Variants in LAMTOR4 observed in about 807,000 individuals in gnomAD.
The protein encoded by LAMTOR4 is late endosomal/lysosomal adaptor, MAPK and MTOR activator 4.
In LAMTOR4, 11 loss-of-function variants were observed where a neutral mutation model predicts 13.5. That is an observed-to-expected ratio of 0.82 (90% CI 0.51 to 1.35). LAMTOR4 has a LOEUF of 1.35. Ranked by LOEUF, LAMTOR4 falls within the 40% of genes most tolerant of loss-of-function variation. The pLI is 0.00. For missense variants in LAMTOR4, 128 were observed against 126.2 expected (o/e 1.01, Z -0.07); for synonymous variants, 69 against 52.3 (o/e 1.32, Z -1.38).
rs1378683802 is a variant in LAMTOR4, at chr7:100,154,069, T to C, written c.*105T>C. ...GCTTGCTGCTAGAACTAGGGCCTTC[T>C]GCTCGCCCACCTCCCACCCCTACCT... On this transcript the variant is annotated 3_prime_UTR_variant, in exon 4 of 4. Transcript: ENST00000341942. The C allele has an allele frequency of 2.4e-6, 2 of 848,938 alleles. No individual in the cohort carries two copies. The highest frequency in any genetic ancestry group is 3.4e-5 in the African/African-American group (2 of 59,648). The allele number at this position is 848,938 out of a possible 1,614,324, so 52.6% of individuals were successfully genotyped here. A position where few individuals can be genotyped will look rare whatever the true frequency, so the allele number is the denominator to read the frequency against.
chr7:100,150,666 AGAT>A (rs1171704534), intron 2 of LAMTOR4, among the ~76,000 whole-genome samples: 2 of 152,144 alleles, frequency 1.3e-5, no homozygotes, highest in Non-Finnish European at 2.9e-5. Flanking sequence ...AGTGATGTGA[AGAT>A]GGGCAGAAGG....
chr7:100,149,474 C>G (rs190779439), intron 1 of LAMTOR4, 25 bp from the exon 2 acceptor site: 4 of 1,551,360 alleles, frequency 2.6e-6, no homozygotes, highest in Admixed American at 1.7e-5. Context: ...GCATGCTTCT[C>G]ACGACTTGCA....
intron 2 of LAMTOR4, chr7:100,152,822 G>GAA (rs1467405508): frequency 1.3e-5 from 2 of 152,784 alleles, no homozygotes; most frequent in Non-Finnish European, 2.9e-5. Context: ...GGACATGGGA[G>GAA]AAATCCAGTT....
chr7:100,153,256 AGGTTGTTTTTTTCCAAAGCTGAGGGTACT>A, intron 2 of LAMTOR4, 115 bp from the exon 3 acceptor site: 2 of 667,864 alleles, frequency 3.0e-6, no homozygotes, highest in South Asian at 3.5e-5. Flanking sequence ...GGGAGATTTC[AGGTTGTTTTTTTCCAAAGCTGAGGGTACT>A]GGCAAGCCAA....
chr7:100,154,129 TAAG>T lies in LAMTOR4; in HGVS notation c.*166_*168del. On this transcript the variant is annotated 3_prime_UTR_variant, in exon 4 of 4. Transcript: ENST00000341942. ...CAGGCTTGGGGACTCTGAGCTGTGT[TAAG>T]GAGAACAAGGGCAAGGAGACCTCCC... 1 of 615,016 alleles carries T rather than the reference TAAG, an allele frequency of 1.6e-6. No homozygotes were observed. The highest frequency in any genetic ancestry group is 1.9e-5 in the South Asian group (1 of 53,570). The allele number at this position is 615,016 out of a possible 1,614,324, so 38.1% of individuals were successfully genotyped here.
chr7:100,149,826 A>C, intron 2 of LAMTOR4: 1 of 377,912 alleles, frequency 2.6e-6, no homozygotes, highest in Non-Finnish European at 5.0e-6. Flanking sequence ...CCCAAGCTGG[A>C]GTGCAGTGGT....
chr7:100,152,021 A>G (rs1798721198), intron 2 of LAMTOR4, among the ~76,000 whole-genome samples: 1 of 152,180 alleles, frequency 6.6e-6, no homozygotes, highest in Admixed American at 6.6e-5. Context: ...GTTATTTTAA[A>G]GGAGGAATCA....
chr7:100,149,015 T>C, intron 1 of LAMTOR4, 40 bp downstream of exon 1: 7 of 1,601,016 alleles, frequency 4.4e-6, no homozygotes, highest in Non-Finnish European at 6.0e-6. Flanking sequence ...CGCCGGGGGT[T>C]CAGCGTCTCT....
In LAMTOR4 at chr7:100,153,986, G is replaced by A. The variant is rs751042232; in HGVS notation, c.*22G>A. On this transcript the variant is annotated 3_prime_UTR_variant, in exon 4 of 4. Coordinates refer to ENST00000341942, the MANE Select transcript of LAMTOR4 (RefSeq NM_001008395.4). ...CTGAGCCTGCCGGAGGGCGAGGGTC[G>A]GAGAAGCGGATTGGGTCCTGGGCCT... 13 of 1,548,908 alleles carry A rather than the reference G, an allele frequency of 8.4e-6. No individual in the cohort carries two copies. Among genetic ancestry groups the A allele is most frequent in the East Asian group, 7.1e-5 (3 of 42,382 alleles).
rs777620406 is a variant in LAMTOR4, at chr7:100,148,946, G to A, written c.-27G>A. 2 of 1,612,178 alleles carry A rather than the reference G, an allele frequency of 1.2e-6. No homozygotes were observed. The highest frequency in any genetic ancestry group is 1.7e-6 in the Non-Finnish European group (2 of 1,179,976). ...AAGCCGGAAGCTACCTATCTGGTAGGGAGCTCCCCCAGCACCGAAGACTGC... is the reference window on the plus strand; with the variant it reads ...AAGCCGGAAGCTACCTATCTGGTAGAGAGCTCCCCCAGCACCGAAGACTGC... On this transcript the variant is annotated 5_prime_UTR_variant, in exon 1 of 4. Transcript: ENST00000341942.
At position 100,153,438 on chromosome 7, in the gene LAMTOR4, T is replaced by C; in HGVS notation, c.123T>C (p.Ser41=). Residue 41 remains serine, a synonymous_variant, in exon 3 of 4, where the codon AGT becomes AGC. Transcript: ENST00000341942. ...GDLENDEQAA[S]AISELVSTAC... is the part of the protein sequence containing the mutation. ...TGGAGAATGATGAGCAGGCAGCCAG[T>C]GCCATCTCTGAGCTGGTCAGCACAG... 6.2e-7 allele frequency: 1 copy of C among 1,611,364 alleles called. No homozygotes were observed. The highest frequency in any genetic ancestry group is 1.3e-5 in the African/African-American group (1 of 75,036).
chr7:100,153,510 C>G lies in LAMTOR4; in HGVS notation c.195C>G (p.Arg65=). ...LHRGMNVPFK[R]LSVVFGEHTL... ...GCGGCATGAATGTGCCCTTCAAGCG[C>G]CTGTCTGGTGAGCCCCTGCCCCTGC... is the stretch of plus-strand genomic sequence containing the variant. The change falls in exon 3 of 4, where the codon CGC becomes CGG. Residue 65 remains arginine, a synonymous_variant. Transcript: ENST00000341942. The G allele has an allele frequency of 6.2e-7, 1 of 1,606,624 alleles. No individual in the cohort carries two copies. The highest frequency in any genetic ancestry group is 2.2e-5 in the East Asian group (1 of 44,878).
chr7:100,149,419 G>A (rs989527291), intron 1 of LAMTOR4, 80 bp from the exon 2 acceptor site: 4 of 959,170 alleles, frequency 4.2e-6, no homozygotes, highest in East Asian at 4.8e-5. Flanking sequence ...TCAACCCAGA[G>A]ACTTGGGTTT....
At chr7:100,152,023 G>A (rs951734697) in intron 2 of LAMTOR4, among the ~76,000 whole-genome samples, 2 of 152,172 alleles carry the variant, frequency 1.3e-5, no homozygotes, top group African/African-American at 4.8e-5. Context: ...TATTTTAAAG[G>A]AGGAATCAGT....
chr7:100,149,291 G>T, intron 1 of LAMTOR4: 1 of 616,082 alleles, frequency 1.6e-6, no homozygotes, highest in East Asian at 2.7e-5. Context: ...GGCCAGGGGA[G>T]CCCGGGGGCG....
chr7:100,149,650 C>A, intron 2 of LAMTOR4, 71 bp downstream of exon 2: 2 of 1,131,666 alleles, frequency 1.8e-6, no homozygotes, highest in East Asian at 2.4e-5. Flanking sequence ...ATTGGCCCTT[C>A]TTTTCTCGGC....
chr7:100,153,187 C>T (rs1356156476), intron 2 of LAMTOR4, among the ~76,000 whole-genome samples: 11 of 151,772 alleles, frequency 7.2e-5, no homozygotes, highest in East Asian at 5.8e-4. Flanking sequence ...ACTGCTCATC[C>T]GGGGAAGGCC....
intron 1 of LAMTOR4, 147 bp from the exon 2 acceptor site, chr7:100,149,351 AG>A (rs1166723365): frequency 4.8e-6 from 3 of 627,200 alleles, no homozygotes; most frequent in African/African-American, 4.4e-5. Context: ...AGGACCATGT[AG>A]GGGGGAGGGG....
chr7:100,152,167 T>C (rs1389961709), intron 2 of LAMTOR4, among the ~76,000 whole-genome samples: 2 of 152,224 alleles, frequency 1.3e-5, no homozygotes, highest in Non-Finnish European at 2.9e-5. Context: ...CCCAGCACTT[T>C]GGGAGGCTGA....
Sources: allele counts gnomAD v4.1 joint callset (sites outside exome capture counted in the v4.1 genomes callset), GRCh38; gene constraint gnomAD v4.1.1; transcripts MANE v1.5; gene names NCBI Gene and HGNC (gene_info 2026-07-23, HGNC 2026-07-21).